The following BCL11B variants were observed in gnomAD, a reference collection of about 807,000 sequenced individuals.
The protein encoded by BCL11B is BCL11 transcription factor B, also known as B-cell lymphoma/leukemia 11B.
In BCL11B, 8 loss-of-function variants were observed where a neutral mutation model predicts 49.9. That is an observed-to-expected ratio of 0.16 (90% CI 0.09 to 0.29). BCL11B has a LOEUF of 0.29. BCL11B is among the 10% of genes least tolerant of loss of function. The pLI is 1.00. For missense variants in BCL11B, 1,006 were observed against 1,351.0 expected (o/e 0.74, Z 4.00); for synonymous variants, 739 against 637.4 (o/e 1.16, Z -2.40).
rs1886306087 is a variant in BCL11B at position 99,172,000 on chromosome 14, G to A, written c.*2151C>T. The A allele has an allele frequency of 9.7e-6, 2 of 206,028 alleles. No individual in the cohort carries two copies. Among genetic ancestry groups the A allele is most frequent in the East Asian group, 1.5e-4 (2 of 13,638 alleles). 12.8% of individuals were successfully genotyped at this position (206,028 alleles called of 1,614,324 possible). A position where few individuals can be genotyped will look rare whatever the true frequency, so the allele number is the denominator to read the frequency against. On this transcript the variant is annotated 3_prime_UTR_variant, in exon 4 of 4. Coordinates refer to ENST00000357195, the MANE Select transcript of BCL11B (RefSeq NM_138576.4). Reference sequence around the variant, plus strand: ...CACCAAAAGAAAACAATATACACGCGGCCACTGTGGCATTTTTGTATAACC... The same window carrying A: ...CACCAAAAGAAAACAATATACACGCAGCCACTGTGGCATTTTTGTATAACC...
chr14:99,264,291 C>T (rs1370788574), intron 1 of BCL11B: 1 of 148,566 alleles, frequency 6.7e-6, no homozygotes, highest in Non-Finnish European at 1.5e-5. Flanking sequence ...TGACACCGCC[C>T]CCCCCCTTTT....
chr14:99,245,617 G>A (rs954965175), intron 2 of BCL11B, among the ~76,000 whole-genome samples: 1 of 152,242 alleles, frequency 6.6e-6, no homozygotes, highest in East Asian at 1.9e-4. Context: ...GCGGGCGGAA[G>A]AGGGATCCCC....
intron 3 of BCL11B, among the ~76,000 whole-genome samples, chr14:99,178,660 T>G (rs1183462230): frequency 6.6e-6 from 1 of 152,178 alleles, no homozygotes; most frequent in African/African-American, 2.4e-5. Flanking sequence ...CCTCACACCC[T>G]TTTTGGGAAC....
intron 1 of BCL11B, among the ~76,000 whole-genome samples, chr14:99,265,643 C>G (rs1385161398): frequency 6.6e-6 from 1 of 152,186 alleles, no homozygotes; most frequent in Non-Finnish European, 1.5e-5. Context: ...GGTCACCGTG[C>G]CTCTTCATCT....
chr14:99,235,894 A>G (rs1268676428), intron 2 of BCL11B, among the ~76,000 whole-genome samples: 1 of 68,248 alleles, frequency 1.5e-5, no homozygotes, highest in Non-Finnish European at 4.0e-5. Context: ...AGGGGGAAAA[A>G]ATTAAAAAAA....
At position 99,170,335 on chromosome 14, in the gene BCL11B, A is replaced by T; in HGVS notation, c.*3816T>A. On this transcript the variant is annotated 3_prime_UTR_variant, in exon 4 of 4. Coordinates refer to ENST00000357195, the MANE Select transcript of BCL11B (RefSeq NM_138576.4). ...GAACAGAAAAGCTTCTGCATTTGGT[A>T]AGGAATTGCCCAAAAGGATGCTTGG... The T allele has an allele frequency of 4.5e-6, 1 of 221,322 alleles. No individual in the cohort carries two copies. The highest frequency in any genetic ancestry group is 9.0e-6 in the Non-Finnish European group (1 of 110,538). The allele number at this position is 221,322 out of a possible 1,614,324, so 13.7% of individuals were successfully genotyped here.
In BCL11B at chr14:99,169,787, G is replaced by A. The variant is rs553913960; in HGVS notation, c.*4364C>T. The A allele has an allele frequency of 7.1e-5, 16 of 225,546 alleles. 1 individual carries two copies. The highest frequency in any genetic ancestry group is 5.1e-4 in the Admixed American group (9 of 17,534). 14.0% of individuals were successfully genotyped at this position (225,546 alleles called of 1,614,324 possible). On this transcript the variant is annotated 3_prime_UTR_variant, in exon 4 of 4. Transcript: ENST00000357195. The stretch of plus-strand genomic sequence containing the variant: ...CTTCGGCTGACGGTTACTTAGGACC[G>A]GGATGAAAGGCTGATTTCCTTACTT...
chr14:99,223,818 G>A (rs1041576254), intron 3 of BCL11B, among the ~76,000 whole-genome samples: 2 of 152,238 alleles, frequency 1.3e-5, no homozygotes, highest in Non-Finnish European at 1.5e-5. Flanking sequence ...CGACCACAAG[G>A]ACAAGCTGTC....
In BCL11B at chr14:99,199,368, T is replaced by G. The variant is rs530982448; in HGVS notation, c.641-23173A>C. ...CAGCGTGCAGAGCCCTGAATCTGGG[T>G]TTACCTTTCCCAGTTCAATTAGAGG... On this transcript the variant is annotated intron_variant, in intron 3 of 3. Coordinates refer to ENST00000357195, the MANE Select transcript of BCL11B (RefSeq NM_138576.4). Among the ~76,000 whole-genome samples, 79 of 152,280 alleles carry G rather than the reference T, an allele frequency of 5.2e-4. 2 individuals carry two copies. In the South Asian group the frequency reaches 0.013, roughly 25 times the overall value.
intron 1 of BCL11B, among the ~76,000 whole-genome samples, chr14:99,264,914 C>A (rs542515297): frequency 6.6e-6 from 1 of 152,298 alleles, no homozygotes; most frequent in South Asian, 2.1e-4. Flanking sequence ...CACGGCGTTT[C>A]TTGGGGAGGG....
Position 99,231,481 on chromosome 14 carries a change from A to G in BCL11B, c.504T>C (p.Thr168=). ...ASSHPHSSVI[T]SPLRALGALP... is the part of the protein sequence containing the mutation. ...GAGCGCCCAGGGCACGCAGAGGTGA[A>G]GTGATCACGGATGAGTGAGGGTGGG... The change falls in exon 3 of 4, where the codon ACT becomes ACC. Residue 168 remains threonine (T), a synonymous_variant. Transcript: ENST00000357195. The surrounding 1 kb of genome is among the most constrained non-coding windows in gnomAD (Gnocchi z 8.1). The G allele has an allele frequency of 1.9e-6, 3 of 1,601,750 alleles. No individual in the cohort carries two copies. The South Asian group carries it at 3.4e-5, about 18-fold the overall frequency.
In BCL11B at chr14:99,195,517, G is replaced by A. The variant is rs890309904; in HGVS notation, c.641-19322C>T. Reference sequence around the variant, plus strand: ...ACCCCCAAAACAATGGCTGGCCCTTGCTGAGCACTTGCTGAGTGCCTCAGT... The same window carrying A: ...ACCCCCAAAACAATGGCTGGCCCTTACTGAGCACTTGCTGAGTGCCTCAGT... On this transcript the variant is annotated intron_variant, in intron 3 of 3. Transcript: ENST00000357195. The surrounding 1 kb of genome is among the most constrained non-coding windows in gnomAD (Gnocchi z 4.7). Among the ~76,000 whole-genome samples, 1 of 152,046 alleles carries A rather than the reference G, an allele frequency of 6.6e-6. No homozygotes were observed. The highest frequency in any genetic ancestry group is 1.5e-5 in the Non-Finnish European group (1 of 67,974).
intron 3 of BCL11B, among the ~76,000 whole-genome samples, chr14:99,229,027 G>GATGGATGGATGGATGC (rs1475715077): frequency 1.6e-5 from 2 of 123,034 alleles, no homozygotes; most frequent in Non-Finnish European, 3.5e-5. Context: ...TGGATGGATG[G>GATGGATGGATGGATGC]ATGGATGGAT....
rs2139894642 is a variant in BCL11B at position 99,232,639 on chromosome 14, A to C, written c.428-1082T>G. Among the ~76,000 whole-genome samples, 1 of 152,324 alleles carries C rather than the reference A, an allele frequency of 6.6e-6. No individual in the cohort carries two copies. The highest frequency in any genetic ancestry group is 1.9e-4 in the East Asian group (1 of 5,170). ...GGAGAGCCACAGGACCCTGCAAGCCACCAGGAGCCAGGAGCCTGTCAGTCT... is the reference window on the plus strand; with the variant it reads ...GGAGAGCCACAGGACCCTGCAAGCCCCCAGGAGCCAGGAGCCTGTCAGTCT... On this transcript the variant is annotated intron_variant, in intron 2 of 3. Coordinates refer to ENST00000357195, the MANE Select transcript of BCL11B (RefSeq NM_138576.4). The surrounding 1 kb of genome is among the most constrained non-coding windows in gnomAD (Gnocchi z 5.1).
chr14:99,212,670 C>A (rs1015457577), intron 3 of BCL11B, among the ~76,000 whole-genome samples: 1 of 152,144 alleles, frequency 6.6e-6, no homozygotes, highest in African/African-American at 2.4e-5. Flanking sequence ...TCAGCCCCGA[C>A]CTCAGCAGAG....
intron 1 of BCL11B, among the ~76,000 whole-genome samples, chr14:99,269,875 TAAAAAAAAAAAAAAAAAAAA>T (rs56659919): frequency 1.2e-4 from 5 of 41,210 alleles, no homozygotes; most frequent in African/African-American, 2.9e-4. Context: ...CTATTGCAGT[TAAAAAAAAAAAAAAAAAAAA>T]AAAAAAAAAA....
At chr14:99,253,936 C>T (rs1258881746) in intron 2 of BCL11B, among the ~76,000 whole-genome samples, 1 of 152,232 alleles carries the variant, frequency 6.6e-6, no homozygotes, top group African/African-American at 2.4e-5. Flanking sequence ...TGCCTCTGAC[C>T]AGCTTCGCCC....
chr14:99,186,977 C>G (rs1411051965), intron 3 of BCL11B, among the ~76,000 whole-genome samples: 1 of 152,154 alleles, frequency 6.6e-6, no homozygotes, highest in Non-Finnish European at 1.5e-5. Context: ...TCCAGCAAGC[C>G]TCACATCTGA....
intron 3 of BCL11B, among the ~76,000 whole-genome samples, chr14:99,225,266 T>A (rs1257449): frequency 1.3e-5 from 2 of 152,206 alleles, no homozygotes; most frequent in African/African-American, 4.8e-5. Context: ...ACTCTCTGCC[T>A]TGGTTTCCCC....
Sources: gnomAD v4.1 joint callset for allele counts (sites outside exome capture counted in the v4.1 genomes callset) on GRCh38, gnomAD v4.1.1 for gene constraint, Gnocchi (gnomAD v3.1) non-coding constraint, MANE v1.5 for transcripts, NCBI Gene and HGNC (gene_info 2026-07-23, HGNC 2026-07-21) for gene names.